The following TENM1 variants were observed in gnomAD, a reference collection of about 807,000 sequenced individuals.
The protein encoded by TENM1 is teneurin-1.
In TENM1, 35 loss-of-function variants were observed where a neutral mutation model predicts 174.8. That is an observed-to-expected ratio of 0.20 (90% confidence interval 0.15 to 0.27). TENM1 has a LOEUF of 0.27. Among genes scored for constraint, TENM1 ranks in the 10% least tolerant of loss-of-function variants. The pLI, the probability that TENM1 is intolerant of heterozygous loss-of-function variation, is 1.00. For missense variants in TENM1, 1,633 were observed against 2,130.1 expected, an observed-to-expected ratio of 0.77 and a Z score of 4.59; for synonymous variants, 781 against 798.7, an observed-to-expected ratio of 0.98 and a Z score of 0.37.
At chrX:124,705,392 T>A in intron 4 of TENM1, 141 bp from the exon 8 acceptor site, 1 of 430,993 alleles carries the variant, frequency 2.3e-6, no homozygotes, top group Non-Finnish European at 4.0e-6. Context: ...TTCATATACC[T>A]AAGAGATAAT....
intron 23 of TENM1, among the ~76,000 whole-genome samples, chrX:124,440,087 T>C (rs998464873): frequency 4.5e-5 from 5 of 111,886 alleles, no homozygotes; most frequent in Admixed American, 9.5e-5. Flanking sequence ...GTCTCTTGCA[T>C]CCTCTATTAA....
the TENM1 span, among the ~76,000 whole-genome samples, chrX:125,044,181 G>GAA: frequency 0.033 from 967 of 29,601 alleles, 38 homozygotes; most frequent in African/African-American, 0.097. Flanking sequence ...AATAAAAAAA[G>GAA]GAAAAAAAAA....
At chrX:124,646,122 C>T (rs1017183488) in intron 9 of TENM1, among the ~76,000 whole-genome samples, 2 of 112,122 alleles carry the variant, frequency 1.8e-5, no homozygotes, top group Admixed American at 9.5e-5. Flanking sequence ...TGTAAGTCTA[C>T]GGGAAAACAT....
intron 3 of TENM1, among the ~76,000 whole-genome samples, chrX:124,874,604 A>G (rs1348971429): frequency 9.0e-6 from 1 of 110,747 alleles, no homozygotes; most frequent in Non-Finnish European, 1.9e-5. Flanking sequence ...TTTTTGGGCT[A>G]TATCTAGAAA....
At chrX:124,538,703 AT>A (rs1436115405) in intron 15 of TENM1, among the ~76,000 whole-genome samples, 1 of 111,790 alleles carries the variant, frequency 8.9e-6, no homozygotes, top group African/African-American at 3.2e-5. Context: ...ATGGATTCAA[AT>A]TTGTACCTCA....
intron 22 of TENM1, among the ~76,000 whole-genome samples, chrX:124,460,060 A>G (rs1343987349): frequency 8.9e-6 from 1 of 111,958 alleles, no homozygotes; most frequent in Non-Finnish European, 1.9e-5. Flanking sequence ...ATTGGCTATT[A>G]TTAAAAGTCA....
chrX:125,016,232 G>T, the TENM1 span, among the ~76,000 whole-genome samples: 2 of 111,347 alleles, frequency 1.8e-5, no homozygotes, highest in Non-Finnish European at 3.8e-5. Context: ...GCAAGAGAAA[G>T]AAATAAAGGG....
At chrX:124,696,306 T>G (rs2052647539) in intron 5 of TENM1, among the ~76,000 whole-genome samples, 1 of 111,895 alleles carries the variant, frequency 8.9e-6, no homozygotes, top group Admixed American at 9.5e-5. Context: ...GAGGCTAGAT[T>G]TACCACTACA....
At chrX:124,509,926 G>A (rs186501356) in intron 18 of TENM1, among the ~76,000 whole-genome samples, 3 of 109,890 alleles carry the variant, frequency 2.7e-5, no homozygotes, top group Non-Finnish European at 5.7e-5. Flanking sequence ...GTTTCACTAT[G>A]TTGGCAAGGC....
intron 21 of TENM1, among the ~76,000 whole-genome samples, chrX:124,484,529 T>C (rs2147943628): frequency 8.9e-6 from 1 of 112,260 alleles, no homozygotes; most frequent in African/African-American, 3.2e-5. Flanking sequence ...TATATCAGTA[T>C]GGACTCATGG....
intron 25 of TENM1, among the ~76,000 whole-genome samples, chrX:124,411,619 C>T (rs2060535198): frequency 9.0e-6 from 1 of 111,344 alleles, no homozygotes; most frequent in South Asian, 3.8e-4. Context: ...AGGGTGGTGT[C>T]TCTGATGCTC....
chrX:124,469,838 G>A, intron 22 of TENM1, among the ~76,000 whole-genome samples: 1 of 111,660 alleles, frequency 9.0e-6, no homozygotes, highest in East Asian at 2.8e-4. Flanking sequence ...AAAACTGGAA[G>A]GGGATATGAA....
Position 124,651,886 on chromosome X carries a change from A to G in TENM1, c.1579+28T>C, listed in dbSNP as rs1343325452. On this transcript the variant is annotated intron_variant, in intron 8 of 31. Coordinates refer to ENST00000422452, the Ensembl canonical transcript of TENM1. Reference sequence around the variant, plus strand: ...GTGTCTTTCTAGGGTTGAACTGTCAATTCAACATATTAGGCAAAGCAGCTT... The same window carrying G: ...GTGTCTTTCTAGGGTTGAACTGTCAGTTCAACATATTAGGCAAAGCAGCTT... The G allele has an allele frequency of 5.0e-6, 6 of 1,196,561 alleles. No individual in the cohort carries two copies. The African/African-American group carries it at 7.0e-5, about 14-fold the overall frequency.
chrX:124,596,257 G>A (rs1435562733), intron 11 of TENM1, among the ~76,000 whole-genome samples: 1 of 112,046 alleles, frequency 8.9e-6, no homozygotes, highest in Admixed American at 9.5e-5. Flanking sequence ...AAATATATGA[G>A]TTTTTGGATA....
chrX:124,726,916 T>A (rs750929545), intron 4 of TENM1, among the ~76,000 whole-genome samples: 47 of 112,392 alleles, frequency 4.2e-4, no homozygotes, highest in Admixed American at 1.5e-3. Flanking sequence ...TTCCCCAAGA[T>A]AGAAACTAGC....
At chrX:125,107,466 G>C in the TENM1 span, among the ~76,000 whole-genome samples, 1 of 111,688 alleles carries the variant, frequency 9.0e-6, no homozygotes, top group Non-Finnish European at 1.9e-5. Context: ...TAACTATATT[G>C]CCACATTTAA....
chrX:124,401,177 AT>A (rs908039769), intron 27 of TENM1, among the ~76,000 whole-genome samples: 5 of 110,278 alleles, frequency 4.5e-5, no homozygotes, highest in Middle Eastern at 4.7e-3. Flanking sequence ...TCCTTTTCTG[AT>A]TTTTTTTTCT....
At chrX:124,841,342 A>G (rs2056495562) in intron 3 of TENM1, among the ~76,000 whole-genome samples, 1 of 111,876 alleles carries the variant, frequency 8.9e-6, no homozygotes, top group South Asian at 3.7e-4. Context: ...ATTTAAACTA[A>G]ACCTAAACCC....
chrX:124,519,742 G>A (rs374742014), intron 18 of TENM1, among the ~76,000 whole-genome samples: 3 of 111,200 alleles, frequency 2.7e-5, no homozygotes, highest in Non-Finnish European at 5.7e-5. Flanking sequence ...GTCAGGGTTC[G>A]ATTGCTTGCC....
Sources: allele counts gnomAD v4.1 joint callset (sites outside exome capture counted in the v4.1 genomes callset), GRCh38; gene constraint gnomAD v4.1.1; transcripts MANE v1.5; gene names NCBI Gene and HGNC (gene_info 2026-07-23, HGNC 2026-07-21).